The following ASIC2 variants were observed in gnomAD, a reference collection of about 807,000 sequenced individuals.
ASIC2 encodes acid sensing ion channel subunit 2.
ASIC2 carries 25 observed loss-of-function variants against 57.3 expected under a neutral mutation model. The observed-to-expected ratio is 0.44, with a 90% CI of 0.32 to 0.61. The LOEUF (loss-of-function observed/expected upper bound fraction) is 0.61. ASIC2 is among the 20% of genes least tolerant of loss of function. The pLI, the probability that ASIC2 is intolerant of heterozygous loss-of-function variation, is 0.06. For missense variants in ASIC2, 641 were observed against 738.1 expected, an observed-to-expected ratio of 0.87 and a Z score of 1.52; for synonymous variants, 319 against 307.5, an observed-to-expected ratio of 1.04 and a Z score of -0.39.
At chr17:33,761,993 G>C (rs1164431668) in intron 1 of ASIC2, among the ~76,000 whole-genome samples, 2 of 152,144 alleles carry the variant, frequency 1.3e-5, no homozygotes, top group Non-Finnish European at 2.9e-5. Context: ...GGCAAGGGTG[G>C]ATGAAGGCAT....
chr17:34,039,666 T>C (rs1908029926), intron 1 of ASIC2: 1 of 1,612,764 alleles, frequency 6.2e-7, no homozygotes, highest in Non-Finnish European at 8.5e-7. Context: ...TACTTTCATA[T>C]GGTTCAGCTT....
Position 33,608,031 on chromosome 17 carries a change from C to T in ASIC2, c.556-495964G>A, listed in dbSNP as rs149192676. Among the ~76,000 whole-genome samples, 113 of 152,152 alleles carry T rather than the reference C, an allele frequency of 7.4e-4. No individual in the cohort carries two copies. The Middle Eastern group carries it at 0.01, about 14-fold the overall frequency. ...ATGGGGCTTACTCCATGCAACCTAA[C>T]GGACAGAAGCAGAGTCAACAGGTGG... On this transcript the variant is annotated intron_variant, in intron 1 of 9. Transcript: ENST00000359872.
At chr17:33,055,102 G>T (rs970512678) in intron 3 of ASIC2, among the ~76,000 whole-genome samples, 4 of 152,188 alleles carry the variant, frequency 2.6e-5, no homozygotes, top group Non-Finnish European at 5.9e-5. Flanking sequence ...TACAATGCAG[G>T]ACAGTCTGTT....
chr17:33,924,388 C>T (rs921484188), intron 1 of ASIC2, among the ~76,000 whole-genome samples: 3 of 152,216 alleles, frequency 2.0e-5, no homozygotes, highest in Non-Finnish European at 2.9e-5. Flanking sequence ...TGAAACAGAA[C>T]ACATGGAGTC....
chr17:33,936,638 T>C (rs1359709891), intron 1 of ASIC2: 2 of 152,174 alleles, frequency 1.3e-5, no homozygotes, highest in Non-Finnish European at 2.9e-5. Flanking sequence ...AAGAATTTCT[T>C]GGGGGCTCTG....
intron 1 of ASIC2, among the ~76,000 whole-genome samples, chr17:33,601,701 C>G (rs1383589114): frequency 1.3e-5 from 2 of 152,206 alleles, no homozygotes; most frequent in South Asian, 4.1e-4. Flanking sequence ...CAGCATGCAA[C>G]TCCAGCCTGG....
At chr17:33,375,479 T>C (rs1909243035) in intron 1 of ASIC2, among the ~76,000 whole-genome samples, 1 of 152,028 alleles carries the variant, frequency 6.6e-6, no homozygotes, top group Admixed American at 6.6e-5. Flanking sequence ...AGACTTTAAT[T>C]TTGATTATGA....
intron 1 of ASIC2, among the ~76,000 whole-genome samples, chr17:33,964,453 C>T (rs1424440579): frequency 6.6e-6 from 1 of 152,242 alleles, no homozygotes; most frequent in Non-Finnish European, 1.5e-5. Flanking sequence ...GACTCCCAGT[C>T]CCTCAGAGTC....
At chr17:33,865,765 A>C (rs1190737711) in intron 1 of ASIC2, among the ~76,000 whole-genome samples, 10 of 80,008 alleles carry the variant, frequency 1.2e-4, no homozygotes, top group Non-Finnish European at 2.3e-4. Flanking sequence ...AAAATAAAAA[A>C]AAAAAACAAA....
chr17:33,193,235 G>C (rs1213336849), intron 1 of ASIC2, among the ~76,000 whole-genome samples: 2 of 152,218 alleles, frequency 1.3e-5, no homozygotes, highest in Non-Finnish European at 2.9e-5. Flanking sequence ...ACTTTCCCCA[G>C]GATGAATCCA....
chr17:33,468,737 T>C (rs542469202), intron 1 of ASIC2, among the ~76,000 whole-genome samples: 18 of 145,108 alleles, frequency 1.2e-4, no homozygotes, highest in Non-Finnish European at 2.4e-4. Flanking sequence ...AAACTGAGGG[T>C]TAAAAAAATA....
intron 1 of ASIC2, among the ~76,000 whole-genome samples, chr17:33,870,211 G>A (rs1421085232): frequency 7.2e-6 from 1 of 138,128 alleles, no homozygotes; most frequent in African/African-American, 2.7e-5. Flanking sequence ...TGTGGGCTGT[G>A]ATGAGAAATT....
intron 1 of ASIC2, among the ~76,000 whole-genome samples, chr17:34,095,686 T>G (rs893978911): frequency 4.9e-5 from 7 of 143,632 alleles, no homozygotes; most frequent in African/African-American, 1.8e-4. Flanking sequence ...GAGAGATATA[T>G]ATAATTTTAT....
chr17:33,732,221 A>G (rs1021530225), intron 1 of ASIC2, among the ~76,000 whole-genome samples: 1 of 152,252 alleles, frequency 6.6e-6, no homozygotes, highest in Non-Finnish European at 1.5e-5. Context: ...CAAGCTGAAC[A>G]CATAAAAGGA....
At chr17:33,912,497 C>CA (rs1246237470) in intron 1 of ASIC2, among the ~76,000 whole-genome samples, 2 of 151,764 alleles carry the variant, frequency 1.3e-5, no homozygotes, top group Admixed American at 1.3e-4. Context: ...AACAAACAAA[C>CA]AAACAAAAAT....
intron 1 of ASIC2, among the ~76,000 whole-genome samples, chr17:34,099,382 G>C (rs1260521743): frequency 7.6e-6 from 1 of 132,152 alleles, no homozygotes; most frequent in Admixed American, 8.0e-5. Context: ...AAAGAAAAAA[G>C]AGAAAGAGGA....
At chr17:33,185,338 TTTG>T (rs1341391117) in intron 1 of ASIC2, among the ~76,000 whole-genome samples, 2 of 152,166 alleles carry the variant, frequency 1.3e-5, no homozygotes, top group African/African-American at 4.8e-5. Context: ...GGTGACTATT[TTTG>T]TTAAGAAGTT....
At chr17:33,889,274 G>C (rs1449235915) in intron 1 of ASIC2, among the ~76,000 whole-genome samples, 1 of 152,118 alleles carries the variant, frequency 6.6e-6, no homozygotes, top group Non-Finnish European at 1.5e-5. Context: ...CCCAGAGATA[G>C]GAAATGACTT....
Position 34,073,828 on chromosome 17 carries a change from C to A in ASIC2, c.555+82150G>T, listed in dbSNP as rs977053850. The stretch of plus-strand genomic sequence containing the variant: ...GAGCTGTTTGCTGGCTGCCTCTCAT[C>A]GGACTGTGAATCTCAGTGCCTGTGA... On this transcript the variant is annotated intron_variant, in intron 1 of 9. Coordinates refer to the ASIC2 transcript ENST00000359872. 2.6e-5 allele frequency among the ~76,000 whole-genome samples: 4 copies of A among 152,188 alleles called. No homozygotes were observed. In the South Asian group the frequency reaches 6.2e-4, roughly 24 times the overall value.
Sources: gnomAD v4.1 joint callset for allele counts (sites outside exome capture counted in the v4.1 genomes callset) on GRCh38, gnomAD v4.1.1 for gene constraint, MANE v1.5 for transcripts, NCBI Gene and HGNC (gene_info 2026-07-23, HGNC 2026-07-21) for gene names.